The following RANBP2 variants were observed in gnomAD, a reference collection of about 807,000 sequenced individuals.
The protein encoded by RANBP2 is E3 SUMO-protein ligase RanBP2.
A neutral mutation model predicts 303.6 loss-of-function variants in RANBP2; 57 were observed. That is an observed-to-expected ratio of 0.19 (90% confidence interval 0.15 to 0.23). The LOEUF is 0.23. Among genes scored for constraint, RANBP2 ranks in the 10% least tolerant of loss-of-function variants. The pLI is 1.00. For missense variants in RANBP2, 3,138 were observed against 3,780.8 expected (o/e 0.83, Z 4.46); for synonymous variants, 1,167 against 1,301.5 (o/e 0.90, Z 2.23).
chr2:109,349,055 G>C, the RANBP2 span, among the ~76,000 whole-genome samples: 2 of 152,062 alleles, frequency 1.3e-5, no homozygotes, highest in African/African-American at 4.8e-5. Context: ...CACGCACAGA[G>C]TTGTAAATAA....
the RANBP2 span, chr2:108,930,331 G>T: frequency 6.6e-7 from 1 of 1,518,930 alleles, no homozygotes; most frequent in Non-Finnish European, 9.1e-7. Flanking sequence ...ATAGGAAGGG[G>T]GTGCCCTGCG....
chr2:109,062,609 G>A, the RANBP2 span, among the ~76,000 whole-genome samples: 5 of 152,146 alleles, frequency 3.3e-5, no homozygotes, highest in African/African-American at 1.2e-4. Flanking sequence ...TCAGGTGGAT[G>A]CATTTTTCCC....
At chr2:109,205,261 C>CT in the RANBP2 span, among the ~76,000 whole-genome samples, 5,686 of 135,944 alleles carry the variant, frequency 0.042, 312 homozygotes, top group African/African-American at 0.12. Flanking sequence ...ACTTATGTGA[C>CT]TTTTTTTTTT....
At chr2:108,875,401 A>G in the RANBP2 span, among the ~76,000 whole-genome samples, 1 of 152,070 alleles carries the variant, frequency 6.6e-6, no homozygotes, top group Non-Finnish European at 1.5e-5. Flanking sequence ...ATGGTTGAAC[A>G]AGTATTCTAT....
chr2:109,635,877 G>A, the RANBP2 span, among the ~76,000 whole-genome samples: 1 of 152,152 alleles, frequency 6.6e-6, no homozygotes, highest in Non-Finnish European at 1.5e-5. Context: ...ATTGTATTAC[G>A]GTTATTAAGT....
At chr2:109,475,607 C>T in the RANBP2 span, among the ~76,000 whole-genome samples, 1 of 152,232 alleles carries the variant, frequency 6.6e-6, no homozygotes, top group Non-Finnish European at 1.5e-5. Context: ...TTGGCACTAT[C>T]AGAGCCAGAT....
At chr2:109,085,303 A>G in the RANBP2 span, among the ~76,000 whole-genome samples, 1 of 152,232 alleles carries the variant, frequency 6.6e-6, no homozygotes, top group South Asian at 2.1e-4. Flanking sequence ...TACCATCAAA[A>G]CCATTTATTT....
chr2:108,889,020 G>GT, the RANBP2 span, among the ~76,000 whole-genome samples: 2 of 151,446 alleles, frequency 1.3e-5, no homozygotes, highest in African/African-American at 4.8e-5. Flanking sequence ...ATTTCTTTCA[G>GT]TTTTTTTAAA....
the RANBP2 span, among the ~76,000 whole-genome samples, chr2:109,607,517 C>T: frequency 6.6e-6 from 1 of 152,104 alleles, no homozygotes; most frequent in Non-Finnish European, 1.5e-5. Context: ...GTCTGTGGCC[C>T]TCACCAAAGC....
chr2:108,982,084 A>C, the RANBP2 span, among the ~76,000 whole-genome samples: 2 of 152,360 alleles, frequency 1.3e-5, no homozygotes, highest in South Asian at 2.1e-4. Flanking sequence ...CAATTTGGCT[A>C]TCTCTCCTAT....
the RANBP2 span, among the ~76,000 whole-genome samples, chr2:108,994,526 A>G: frequency 2.0e-4 from 31 of 152,352 alleles, no homozygotes; most frequent in Middle Eastern, 3.4e-3. Flanking sequence ...AGGAAACCAC[A>G]AGAGTATTAT....
chr2:108,739,844 G>T (rs983375884), intron 6 of RANBP2, among the ~76,000 whole-genome samples: 43 of 152,050 alleles, frequency 2.8e-4, no homozygotes, highest in Non-Finnish European at 1.6e-4. Context: ...AAAGTTTAGC[G>T]GGGCATGGTG....
At chr2:108,732,701 G>C (rs977321546) in intron 4 of RANBP2, among the ~76,000 whole-genome samples, 8 of 152,242 alleles carry the variant, frequency 5.3e-5, no homozygotes, top group African/African-American at 9.6e-5. Flanking sequence ...CTTTTGTAGT[G>C]ATGCTATTTA....
At chr2:109,228,021 T>C in the RANBP2 span, among the ~76,000 whole-genome samples, 1 of 152,134 alleles carries the variant, frequency 6.6e-6, no homozygotes, top group East Asian at 1.9e-4. Context: ...AATAGTTCAG[T>C]GTTTTCCTTT....
the RANBP2 span, among the ~76,000 whole-genome samples, chr2:108,833,372 C>T: frequency 6.6e-6 from 1 of 152,164 alleles, no homozygotes; most frequent in Non-Finnish European, 1.5e-5. Flanking sequence ...TCTCAACTTC[C>T]TGCTCAGTAC....
At chr2:108,761,838 T>C (rs1573801869) in intron 18 of RANBP2, among the ~76,000 whole-genome samples, 1 of 152,190 alleles carries the variant, frequency 6.6e-6, no homozygotes, top group Non-Finnish European at 1.5e-5. Context: ...CTTTATTCCT[T>C]TTTTAATGCT....
chr2:109,402,444 G>A, the RANBP2 span, among the ~76,000 whole-genome samples: 5 of 152,244 alleles, frequency 3.3e-5, no homozygotes, highest in African/African-American at 1.2e-4. Flanking sequence ...TGTGTCATGG[G>A]CTCATCCACA....
At chr2:109,227,583 C>T in the RANBP2 span, among the ~76,000 whole-genome samples, 3 of 152,168 alleles carry the variant, frequency 2.0e-5, no homozygotes, top group Admixed American at 1.3e-4. Context: ...AGATCCCTGG[C>T]TCTTGGGATT....
At chr2:109,510,858 G>A in the RANBP2 span, among the ~76,000 whole-genome samples, 1 of 152,330 alleles carries the variant, frequency 6.6e-6, no homozygotes, top group East Asian at 1.9e-4. Flanking sequence ...GCAAAGGTGG[G>A]ACGGGTGGCC....
Sources: allele counts gnomAD v4.1 joint callset (sites outside exome capture counted in the v4.1 genomes callset), GRCh38; gene constraint gnomAD v4.1.1; transcripts MANE v1.5; gene names NCBI Gene and HGNC (gene_info 2026-07-23, HGNC 2026-07-21).